Variants in OPHN1 observed in about 807,000 individuals in gnomAD.
The protein encoded by OPHN1 is oligophrenin-1.
In OPHN1, 11 loss-of-function variants were observed where a neutral mutation model predicts 60.7. The ratio of observed to expected loss-of-function variants is 0.18; its 90% CI spans 0.11 to 0.30. OPHN1 has a LOEUF of 0.30. Ranked by LOEUF, OPHN1 falls within the 10% of genes least tolerant of loss-of-function variation. The pLI, the probability that OPHN1 is intolerant of heterozygous loss-of-function variation, is 1.00. For missense variants in OPHN1, 449 were observed against 611.0 expected, an observed-to-expected ratio of 0.73 and a Z score of 2.80; for synonymous variants, 226 against 222.6, an observed-to-expected ratio of 1.02 and a Z score of -0.14.
chrX:68,262,696 A>G (rs967906200), intron 5 of OPHN1, among the ~76,000 whole-genome samples: 1 of 112,233 alleles, frequency 8.9e-6, no homozygotes, highest in Non-Finnish European at 1.9e-5. Context: ...CTGAGGGAAA[A>G]GAAGCGCTTG....
intron 6 of OPHN1, among the ~76,000 whole-genome samples, chrX:68,223,621 C>T (rs2077674686): frequency 9.0e-6 from 1 of 111,058 alleles, no homozygotes; most frequent in Non-Finnish European, 1.9e-5. Context: ...GACAGGTACA[C>T]TAAAAGCCCA....
chrX:68,196,909 G>A (rs1043301859), intron 12 of OPHN1, among the ~76,000 whole-genome samples: 4 of 111,921 alleles, frequency 3.6e-5, no homozygotes, highest in African/African-American at 1.3e-4. Flanking sequence ...CATGGGCATA[G>A]CTACATAGTC....
At chrX:68,270,144 C>G (rs1380639697) in intron 5 of OPHN1, among the ~76,000 whole-genome samples, 2 of 111,117 alleles carry the variant, frequency 1.8e-5, no homozygotes, top group East Asian at 2.8e-4. Flanking sequence ...GTTGGTGGGA[C>G]TGTAAACTAG....
chrX:68,408,542 T>C (rs2078754780), intron 2 of OPHN1, among the ~76,000 whole-genome samples: 1 of 112,473 alleles, frequency 8.9e-6, no homozygotes, highest in Admixed American at 9.5e-5. Flanking sequence ...GCCTCTAGAC[T>C]CCCAGCTTTA....
At chrX:68,419,967 G>C (rs912811499) in intron 2 of OPHN1, among the ~76,000 whole-genome samples, 7 of 111,377 alleles carry the variant, frequency 6.3e-5, no homozygotes, top group Non-Finnish European at 1.1e-4. Context: ...ACTGGCTTCA[G>C]GCAATTCTCC....
intron 2 of OPHN1, among the ~76,000 whole-genome samples, chrX:68,397,449 T>A (rs185789249): frequency 3.4e-4 from 34 of 100,882 alleles, no homozygotes; most frequent in Non-Finnish European, 6.6e-4. Flanking sequence ...TTTCTGTTTG[T>A]CTTTTATGTT....
chrX:68,332,735 G>A (rs1226168769), intron 2 of OPHN1, among the ~76,000 whole-genome samples: 2 of 110,216 alleles, frequency 1.8e-5, no homozygotes, highest in African/African-American at 3.3e-5. Context: ...GCCAAAAAAC[G>A]ATAGGGGGAA....
At chrX:68,341,017 A>G (rs1340431277) in intron 2 of OPHN1, among the ~76,000 whole-genome samples, 2 of 109,864 alleles carry the variant, frequency 1.8e-5, no homozygotes, top group African/African-American at 6.6e-5. Context: ...AAAAAAAAAA[A>G]AAGAAGAAGA....
intron 15 of OPHN1, among the ~76,000 whole-genome samples, chrX:68,161,038 A>C (rs1602200436): frequency 9.0e-6 from 1 of 111,213 alleles, no homozygotes; most frequent in East Asian, 2.8e-4. Flanking sequence ...AGAAGACTCA[A>C]ATTAGTAAAA....
At chrX:68,086,816 G>A (rs1428134486) in intron 19 of OPHN1, among the ~76,000 whole-genome samples, 1 of 111,458 alleles carries the variant, frequency 9.0e-6, no homozygotes, top group Non-Finnish European at 1.9e-5. Flanking sequence ...CTCATAGACA[G>A]ACTAGATCAA....
At chrX:68,218,155 G>A (rs375725131) in intron 6 of OPHN1, among the ~76,000 whole-genome samples, 13,803 of 79,600 alleles carry the variant, frequency 0.17, 925 homozygotes, top group African/African-American at 0.25. Context: ...GAGCCGATGC[G>A]ATCAACTGGA....
chrX:68,062,150 C>T (rs1345922930), intron 21 of OPHN1, among the ~76,000 whole-genome samples: 1 of 112,152 alleles, frequency 8.9e-6, no homozygotes, highest in Non-Finnish European at 1.9e-5. Flanking sequence ...AACTCCATTC[C>T]TGCCATTTCC....
chrX:68,433,087 T>C (rs1222859551), intron 1 of OPHN1, 63 bp from the exon 2 acceptor site: 8 of 1,038,792 alleles, frequency 7.7e-6, no homozygotes, highest in African/African-American at 5.7e-5. Context: ...AATGGCACAG[T>C]AGAGGAAGTA....
At chrX:68,377,095 A>C (rs1259396153) in intron 2 of OPHN1, among the ~76,000 whole-genome samples, 1 of 92,725 alleles carries the variant, frequency 1.1e-5, no homozygotes, top group Non-Finnish European at 2.0e-5. Flanking sequence ...ACATGCAGCT[A>C]ATTTTTTTTT....
intron 15 of OPHN1, among the ~76,000 whole-genome samples, chrX:68,182,348 A>G (rs1483249681): frequency 9.2e-6 from 1 of 108,249 alleles, no homozygotes; most frequent in Non-Finnish European, 1.9e-5. Context: ...CTCTCAGGAC[A>G]GGAAGACTCT....
chrX:68,134,212 A>G (rs1308446412), intron 15 of OPHN1, among the ~76,000 whole-genome samples: 1 of 111,397 alleles, frequency 9.0e-6, no homozygotes, highest in Non-Finnish European at 1.9e-5. Context: ...AAAACAAAAA[A>G]AAAATTGCTT....
chrX:68,140,016 A>T (rs780070422), intron 15 of OPHN1, among the ~76,000 whole-genome samples: 7 of 112,662 alleles, frequency 6.2e-5, no homozygotes, highest in Non-Finnish European at 1.1e-4. Context: ...GAGGGAAACT[A>T]AACCCTAAGG....
chrX:68,252,958 T>C (rs2077843490), intron 5 of OPHN1, among the ~76,000 whole-genome samples: 1 of 110,556 alleles, frequency 9.0e-6, no homozygotes, highest in South Asian at 3.9e-4. Context: ...AAGATGGACC[T>C]CCTCGAAGAT....
chrX:68,206,711 AT>A (rs1295541730), intron 9 of OPHN1, 38 bp from the exon 10 acceptor site: 2 of 1,008,416 alleles, frequency 2.0e-6, no homozygotes, highest in Non-Finnish European at 2.8e-6. Context: ...CAGAATAACT[AT>A]TTTAGCTGTA....
Sources: gnomAD v4.1 joint callset for allele counts (sites outside exome capture counted in the v4.1 genomes callset) on GRCh38, gnomAD v4.1.1 for gene constraint, MANE v1.5 for transcripts, NCBI Gene and HGNC (gene_info 2026-07-23, HGNC 2026-07-21) for gene names.